Variants in TMEM178B observed in about 807,000 individuals in gnomAD.
The protein encoded by TMEM178B is transmembrane protein 178B.
A neutral mutation model predicts 31.0 loss-of-function variants in TMEM178B; 5 were observed. The observed-to-expected ratio is 0.16, with a 90% CI of 0.08 to 0.34. The LOEUF is 0.34. TMEM178B is among the 10% of genes least tolerant of loss of function. The pLI, the probability that TMEM178B is intolerant of heterozygous loss-of-function variation, is 1.00. For missense variants in TMEM178B, 275 were observed against 400.3 expected, an observed-to-expected ratio of 0.69 and a Z score of 2.67; for synonymous variants, 164 against 164.0, an observed-to-expected ratio of 1.00 and a Z score of 0.00.
chr7:141,464,633 T>C (rs865885527), intron 3 of TMEM178B, among the ~76,000 whole-genome samples: 2 of 152,232 alleles, frequency 1.3e-5, no homozygotes, highest in South Asian at 2.1e-4. Flanking sequence ...CTTACTTTGA[T>C]GTCCCTAGCA....
At position 141,166,641 on chromosome 7, in the gene TMEM178B, G is replaced by A. The variant is rs146865142; in HGVS notation, c.383-45950G>A. Among the ~76,000 whole-genome samples the A allele has an allele frequency of 5.8e-3, 886 of 152,270 alleles. 13 individuals carry two copies. The highest frequency in any genetic ancestry group is 0.02 in the African/African-American group (848 of 41,542). On this transcript the variant is annotated intron_variant, in intron 1 of 3. Coordinates refer to ENST00000565468, the MANE Select transcript of TMEM178B (RefSeq NM_001195278.2). ...TGCTACCCAGGAGACCCACAGGAAC[G>A]TCCCAGAACCTGCCCTAACCTTGTC...
chr7:141,157,426 TGCACACACACACACAC>T (rs1212536247), intron 1 of TMEM178B, among the ~76,000 whole-genome samples: 2 of 149,254 alleles, frequency 1.3e-5, no homozygotes, highest in East Asian at 1.9e-4. Context: ...CCTGCGCGCG[TGCACACACACACACAC>T]GCACACACAC....
intron 2 of TMEM178B, among the ~76,000 whole-genome samples, chr7:141,293,222 G>A (rs1490770819): frequency 6.6e-6 from 1 of 152,050 alleles, no homozygotes; most frequent in Non-Finnish European, 1.5e-5. Flanking sequence ...TCATACTGGG[G>A]ACCCCTAGAA....
At chr7:141,137,234 T>G (rs960764291) in intron 1 of TMEM178B, among the ~76,000 whole-genome samples, 20 of 152,032 alleles carry the variant, frequency 1.3e-4, no homozygotes, top group Admixed American at 1.1e-3. Context: ...AGAAAAGAAA[T>G]CAGTATATCA....
At chr7:141,283,399 A>G (rs934670730) in intron 2 of TMEM178B, among the ~76,000 whole-genome samples, 1 of 152,206 alleles carries the variant, frequency 6.6e-6, no homozygotes, top group Admixed American at 6.5e-5. Context: ...TTTCAAGTGC[A>G]CCAGAGGAAT....
chr7:141,427,537 C>T (rs974356193), intron 2 of TMEM178B, among the ~76,000 whole-genome samples: 19 of 152,120 alleles, frequency 1.2e-4, no homozygotes, highest in Non-Finnish European at 2.8e-4. Flanking sequence ...TATCTCTCAC[C>T]GTATTCAAAA....
chr7:141,222,032 C>T (rs1430902165), intron 2 of TMEM178B, among the ~76,000 whole-genome samples: 1 of 152,070 alleles, frequency 6.6e-6, no homozygotes, highest in Non-Finnish European at 1.5e-5. Context: ...TGGTGTGGAT[C>T]GTAGTGGTCA....
intron 2 of TMEM178B, among the ~76,000 whole-genome samples, chr7:141,425,730 G>A (rs1330144605): frequency 1.3e-5 from 2 of 152,182 alleles, no homozygotes; most frequent in African/African-American, 4.8e-5. Context: ...CTTCAGGCGA[G>A]TACAAATTTT....
In TMEM178B at chr7:141,285,275, C is replaced by T. The variant is rs181830959; in HGVS notation, c.496+72571C>T. On this transcript the variant is annotated intron_variant, in intron 2 of 3. Coordinates refer to ENST00000565468, the MANE Select transcript of TMEM178B (RefSeq NM_001195278.2). Reference sequence around the variant, plus strand: ...ACGCCATTCTCCTGCCTCAGCCTCCCGAGTAGCTGGGACTAGAGGTGCCCG... The same window carrying T: ...ACGCCATTCTCCTGCCTCAGCCTCCTGAGTAGCTGGGACTAGAGGTGCCCG... 2.9e-3 allele frequency among the ~76,000 whole-genome samples: 430 copies of T among 150,378 alleles called. 6 individuals are homozygous for T. The highest frequency in any genetic ancestry group is 9.9e-3 in the African/African-American group (406 of 41,070).
intron 3 of TMEM178B, among the ~76,000 whole-genome samples, chr7:141,438,687 C>T (rs1007533998): frequency 6.8e-5 from 5 of 73,426 alleles, no homozygotes; most frequent in African/African-American, 2.2e-4. Context: ...GGTAAAACCC[C>T]GTCTCTACTA....
chr7:141,437,658 C>G lies in TMEM178B; in HGVS notation c.547C>G (p.Leu183Val). ...CATGGGCATGGCGGTGGCCATCATC[C>G]TCTTTGGCTGGATCATCGGCGTGCT... ...GFMGMAVAII[L>V]FGWIIGVLGC... Residue 183 changes from leucine (L) to valine (V), a missense_variant, in exon 3 of 4, where the codon CTC becomes GTC. Physicochemically the swap from Leu to Val is conservative, Grantham distance 32. Transcript: ENST00000565468. 6.5e-7 allele frequency: 1 copy of G among 1,536,180 alleles called. No individual in the cohort carries two copies. Among genetic ancestry groups the G allele is most frequent in the East Asian group, 2.4e-5 (1 of 40,902 alleles).
In TMEM178B at chr7:141,102,194, C is replaced by T. The variant is rs1795070154; in HGVS notation, c.382+27502C>T. On this transcript the variant is annotated intron_variant, in intron 1 of 3. Transcript: ENST00000565468. ...GCGAATGACTATTAAAGGGTTCAGC[C>T]AAACAAAGCATTCATTGTATTGGAA... is the stretch of plus-strand genomic sequence containing the variant. 2.0e-5 allele frequency among the ~76,000 whole-genome samples: 3 copies of T among 152,138 alleles called. No homozygotes were observed. In the South Asian group the frequency reaches 6.2e-4, roughly 32 times the overall value.
At chr7:141,381,718 A>G (rs1800318792) in intron 2 of TMEM178B, among the ~76,000 whole-genome samples, 1 of 152,200 alleles carries the variant, frequency 6.6e-6, no homozygotes, top group Non-Finnish European at 1.5e-5. Flanking sequence ...GTTGGCAAGG[A>G]TAGGAGCGAC....
At chr7:141,328,422 A>G (rs1046511450) in intron 2 of TMEM178B, among the ~76,000 whole-genome samples, 4 of 152,134 alleles carry the variant, frequency 2.6e-5, no homozygotes, top group Non-Finnish European at 5.9e-5. Context: ...AGACTCAGGG[A>G]GGGAGTTCCA....
At chr7:141,482,087 G>A (rs1489380194), downstream of TMEM178B, among the ~76,000 whole-genome samples, 10 of 152,180 alleles carry the variant, frequency 6.6e-5, no homozygotes, top group South Asian at 8.3e-4. Flanking sequence ...TTTGATTTCC[G>A]TGTCTCAAAT....
At chr7:141,083,166 A>G (rs1794714784) in intron 1 of TMEM178B, among the ~76,000 whole-genome samples, 1 of 152,200 alleles carries the variant, frequency 6.6e-6, no homozygotes, top group Non-Finnish European at 1.5e-5. Context: ...AGATGCAGAT[A>G]TGTTTGTAAC....
chr7:141,280,575 T>A (rs1008431377), intron 2 of TMEM178B, among the ~76,000 whole-genome samples: 1 of 152,112 alleles, frequency 6.6e-6, no homozygotes, highest in Admixed American at 6.5e-5. Flanking sequence ...GAACTGTGAG[T>A]CTGTTAAACC....
intron 2 of TMEM178B, among the ~76,000 whole-genome samples, chr7:141,229,100 G>GGTGTGT (rs3035765): frequency 0.029 from 3,946 of 134,778 alleles, 77 homozygotes; most frequent in African/African-American, 0.039. Context: ...GTGTGTGTGT[G>GGTGTGT]GTGTGTGTGT....
chr7:141,208,670 C>T (rs1797003895), intron 1 of TMEM178B, among the ~76,000 whole-genome samples: 1 of 152,208 alleles, frequency 6.6e-6, no homozygotes, highest in African/African-American at 2.4e-5. Flanking sequence ...CCTGCAGTGC[C>T]TGTGGGTTGG....
Sources: allele counts gnomAD v4.1 joint callset (sites outside exome capture counted in the v4.1 genomes callset), GRCh38; gene constraint gnomAD v4.1.1; transcripts MANE v1.5; gene names NCBI Gene and HGNC (gene_info 2026-07-23, HGNC 2026-07-21).